The following FBXW7 variants were observed in gnomAD, a reference collection of about 807,000 sequenced individuals.
FBXW7 encodes the protein F-box/WD repeat-containing protein 7.
FBXW7 carries 11 observed loss-of-function variants against 86.3 expected under a neutral mutation model. The ratio of observed to expected loss-of-function variants is 0.13; its 90% CI spans 0.08 to 0.21. FBXW7 has a LOEUF of 0.21. FBXW7 is among the 10% of genes least tolerant of loss of function. The pLI, the probability that FBXW7 is intolerant of heterozygous loss-of-function variation, is 1.00. For synonymous variants in FBXW7, 313 were observed against 297.9 expected, an observed-to-expected ratio of 1.05 and a Z score of -0.52; for missense variants, 488 against 847.4, an observed-to-expected ratio of 0.58 and a Z score of 5.27.
At chr4:152,524,721 C>T (rs962562309) in intron 2 of FBXW7, among the ~76,000 whole-genome samples, 2 of 152,074 alleles carry the variant, frequency 1.3e-5, no homozygotes, top group African/African-American at 4.8e-5. Flanking sequence ...CTCTGTACAA[C>T]CCCACTCTCT....
At chr4:152,350,895 G>A (rs1731750846) in intron 4 of FBXW7, among the ~76,000 whole-genome samples, 1 of 151,838 alleles carries the variant, frequency 6.6e-6, no homozygotes, top group Non-Finnish European at 1.5e-5. Flanking sequence ...ACATTTTAAG[G>A]TGTTTCATTA....
In FBXW7 at chr4:152,322,742, A is replaced by G; in HGVS notation, c.*139T>C. On this transcript the variant is annotated 3_prime_UTR_variant, in exon 14 of 14. Transcript: ENST00000281708. ...CCTTCTTAGTCTGTAGGTCTTTTCAATCTGTTGCCCCAAGCCAACATCCTG... is the reference window on the plus strand; with the variant it reads ...CCTTCTTAGTCTGTAGGTCTTTTCAGTCTGTTGCCCCAAGCCAACATCCTG... 1 of 1,384,132 alleles carries G rather than the reference A, an allele frequency of 7.2e-7. No individual in the cohort carries two copies. Among genetic ancestry groups the G allele is most frequent in the Non-Finnish European group, 9.6e-7 (1 of 1,040,332 alleles). 85.7% of individuals were successfully genotyped at this position (1,384,132 alleles called of 1,614,324 possible). A position where few individuals can be genotyped will look rare whatever the true frequency, so the allele number is the denominator to read the frequency against.
intron 2 of FBXW7, among the ~76,000 whole-genome samples, chr4:152,424,548 A>T (rs2126926940): frequency 6.6e-6 from 1 of 152,316 alleles, no homozygotes; most frequent in South Asian, 2.1e-4. Context: ...AACAAGAAGT[A>T]CCCTGCACCA....
rs745908066 is a variant in FBXW7 at position 152,347,075 on chromosome 4, CAAAAAA to C, written c.585-10_585-5del. The stretch of plus-strand genomic sequence containing the variant: ...ACATGGTACAAGCCCAGTGGTACTA[CAAAAAA>C]AAAAAAAAGAGAGAGAGAAAGGATA... On this transcript the variant is annotated splice_polypyrimidine_tract_variant and splice_region_variant and intron_variant, in intron 5 of 13. Transcript: ENST00000281708. 3 of 1,281,420 alleles carry C rather than the reference CAAAAAA, an allele frequency of 2.3e-6. No homozygotes were observed. The highest frequency in any genetic ancestry group is 3.1e-6 in the Non-Finnish European group (3 of 982,936). The allele number at this position is 1,281,420 out of a possible 1,614,324, so 79.4% of individuals were successfully genotyped here.
chr4:152,352,551 T>G (rs1336332917), intron 4 of FBXW7: 2 of 1,613,948 alleles, frequency 1.2e-6, no homozygotes, highest in Non-Finnish European at 1.7e-6. Context: ...TGCCCCCGTG[T>G]GTCCGGCTGC....
At chr4:152,393,889 G>A (rs1185913516) in intron 4 of FBXW7, among the ~76,000 whole-genome samples, 1 of 152,004 alleles carries the variant, frequency 6.6e-6, no homozygotes, top group Admixed American at 6.6e-5. Flanking sequence ...TTTCTGGGGA[G>A]GGGGAAAGAT....
At chr4:152,454,051 C>T (rs1742165726) in intron 2 of FBXW7, among the ~76,000 whole-genome samples, 1 of 152,132 alleles carries the variant, frequency 6.6e-6, no homozygotes, top group Non-Finnish European at 1.5e-5. Flanking sequence ...GCCTTTCATA[C>T]TCACAAAGTC....
intron 2 of FBXW7, among the ~76,000 whole-genome samples, chr4:152,516,016 C>T (rs1391280639): frequency 6.6e-6 from 1 of 152,110 alleles, no homozygotes; most frequent in Admixed American, 6.5e-5. Context: ...TCTACAAGAA[C>T]AAGGAATTGA....
At chr4:152,327,428 G>C (rs1433895293) in intron 11 of FBXW7, among the ~76,000 whole-genome samples, 2 of 151,938 alleles carry the variant, frequency 1.3e-5, no homozygotes, top group Non-Finnish European at 2.9e-5. Flanking sequence ...GACCTTTTTT[G>C]ACAAATGAGG....
intron 2 of FBXW7, among the ~76,000 whole-genome samples, chr4:152,452,511 T>C (rs1462779665): frequency 2.6e-5 from 4 of 152,232 alleles, no homozygotes; most frequent in African/African-American, 9.6e-5. Context: ...AGCACAATTG[T>C]TATCAGCTGT....
chr4:152,416,338 C>T (rs1013623489), intron 2 of FBXW7, among the ~76,000 whole-genome samples: 21 of 152,090 alleles, frequency 1.4e-4, no homozygotes, highest in Non-Finnish European at 2.4e-4. Flanking sequence ...ACTTGTAGTA[C>T]TTTTGAAACT....
chr4:152,439,195 A>G (rs963398066), intron 2 of FBXW7, among the ~76,000 whole-genome samples: 28 of 152,186 alleles, frequency 1.8e-4, no homozygotes, highest in African/African-American at 6.0e-4. Context: ...AGCTGTGAGT[A>G]CAGATAGAAA....
In FBXW7 at chr4:152,461,852, C is replaced by T. The variant is rs532891180; in HGVS notation, c.-119-49323G>A. On this transcript the variant is annotated intron_variant, in intron 2 of 13. Transcript: ENST00000281708. The stretch of plus-strand genomic sequence containing the variant: ...TCAGTAAGTCCTCACTTAATACCAT[C>T]GATAGGTCTTGGAAACAGCAACTTG... 3.3e-5 allele frequency among the ~76,000 whole-genome samples: 5 copies of T among 152,284 alleles called. No individual in the cohort carries two copies. The East Asian group carries it at 5.8e-4, about 18-fold the overall frequency.
rs950351414 is a variant in FBXW7, at chr4:152,491,009, A to G, written c.-120+43932T>C. On this transcript the variant is annotated intron_variant, in intron 2 of 13. Coordinates refer to ENST00000281708, the MANE Select transcript of FBXW7 (RefSeq NM_001349798.2). ...ATTTAGAATATTCTTTGTAAAGAGG[A>G]AAGGGGTCTTTCACTCACACGGCTT... 3.9e-5 allele frequency among the ~76,000 whole-genome samples: 6 copies of G among 152,276 alleles called. No individual in the cohort carries two copies. The East Asian group carries it at 1.2e-3, about 29-fold the overall frequency.
At chr4:152,331,295 G>A (rs1729541164) in intron 8 of FBXW7, among the ~76,000 whole-genome samples, 1 of 151,956 alleles carries the variant, frequency 6.6e-6, no homozygotes, top group South Asian at 2.1e-4. Flanking sequence ...GCTCATAGCA[G>A]GATTATTCAC....
intron 2 of FBXW7, among the ~76,000 whole-genome samples, chr4:152,509,989 C>A (rs1747809150): frequency 6.6e-6 from 1 of 152,164 alleles, no homozygotes; most frequent in African/African-American, 2.4e-5. Context: ...ACTGAGATCT[C>A]CTGTGCTCCT....
At chr4:152,419,494 A>AAAACACACACAC (rs370794631) in intron 2 of FBXW7, among the ~76,000 whole-genome samples, 4,535 of 123,244 alleles carry the variant, frequency 0.037, 119 homozygotes, top group Admixed American at 0.059. Flanking sequence ...GGATAAGGTA[A>AAAACACACACAC]ACACACACAC....
At position 152,337,947 on chromosome 4, in the gene FBXW7, G is replaced by C. The variant is rs1730319982; in HGVS notation, c.727-11C>G. 5 of 1,587,864 alleles carry C rather than the reference G, an allele frequency of 3.1e-6. No homozygotes were observed. Among genetic ancestry groups the C allele is most frequent in the South Asian group, 1.2e-5 (1 of 86,126 alleles). On this transcript the variant is annotated splice_polypyrimidine_tract_variant and intron_variant, in intron 6 of 13. Coordinates refer to ENST00000281708, the MANE Select transcript of FBXW7 (RefSeq NM_001349798.2). ...TGGTCCACTCCAGCTCTATCAAAGA[G>C]AATTAGAAATTTTTATTGTTTTAAC...
rs1218769489 is a variant in FBXW7 at position 152,411,423 on chromosome 4, C to A, written c.381G>T (p.Gln127His). ...CATCTTCTCTGCTACTATCATCAGA[C>A]TGATCAAAATCGTCACTCTCCTGGT... is the stretch of plus-strand genomic sequence containing the variant. ...EMDQESDDFD[Q>H]SDDSSREDEH... Residue 127 changes from glutamine to histidine, a missense_variant, in exon 4 of 14, where the codon CAG (glutamine) becomes CAT (histidine). Gln to His is a conservative substitution (Grantham distance 24). This residue lies in a region of FBXW7 where 230 missense variants were observed against 240.0 expected (regional missense o/e 0.96). Transcript: ENST00000281708. 1.2e-6 allele frequency: 2 copies of A among 1,613,720 alleles called. No homozygotes were observed. The highest frequency in any genetic ancestry group is 1.7e-6 in the Non-Finnish European group (2 of 1,179,880).
Sources: allele counts gnomAD v4.1 joint callset (sites outside exome capture counted in the v4.1 genomes callset), GRCh38; gene constraint gnomAD v4.1.1; regional missense constraint gnomAD v4.1.1; transcripts MANE v1.5; gene names NCBI Gene and HGNC (gene_info 2026-07-23, HGNC 2026-07-21).